Variants in MMP20 observed in about 807,000 individuals in gnomAD.
MMP20 encodes matrix metallopeptidase 20, also known as matrix metalloproteinase-20.
MMP20 carries 50 observed loss-of-function variants against 51.8 expected under a neutral mutation model. That is an observed-to-expected ratio of 0.97 (90% confidence interval 0.77 to 1.22). The LOEUF (loss-of-function observed/expected upper bound fraction) is 1.22. Among genes scored for constraint, MMP20 ranks in the 50% most tolerant of loss-of-function variants. MMP20 has a pLI of 0.00. For missense variants in MMP20, 663 were observed against 601.4 expected (o/e 1.10, Z -1.07); for synonymous variants, 244 against 216.2 (o/e 1.13, Z -1.13).
At chr11:102,580,722 A>G (rs1458119993) in intron 8 of MMP20, among the ~76,000 whole-genome samples, 3 of 152,248 alleles carry the variant, frequency 2.0e-5, no homozygotes. Context: ...TTTACTAAGT[A>G]AGAACATTAC....
At chr11:102,602,358 C>A (rs1324832916) in intron 6 of MMP20, among the ~76,000 whole-genome samples, 2 of 151,834 alleles carry the variant, frequency 1.3e-5, no homozygotes, top group Admixed American at 6.6e-5. Flanking sequence ...ATATAGAATC[C>A]TATTTTGGAA....
intron 1 of MMP20, among the ~76,000 whole-genome samples, chr11:102,623,758 G>T (rs1035071522): frequency 3.9e-5 from 6 of 152,212 alleles, no homozygotes; most frequent in African/African-American, 1.4e-4. Flanking sequence ...TGGATTAGAA[G>T]GGGGGTCTCC....
chr11:102,581,182 C>A (rs1859191398), intron 8 of MMP20, among the ~76,000 whole-genome samples: 1 of 73,396 alleles, frequency 1.4e-5, no homozygotes, highest in African/African-American at 4.7e-5. Flanking sequence ...ACACACCACA[C>A]ACACACACAC....
At chr11:102,624,570 T>C (rs1047968665) in intron 1 of MMP20, among the ~76,000 whole-genome samples, 1 of 152,070 alleles carries the variant, frequency 6.6e-6, no homozygotes, top group Non-Finnish European at 1.5e-5. Flanking sequence ...AAAGTTTAAG[T>C]ACATAAACGT....
intron 1 of MMP20, among the ~76,000 whole-genome samples, chr11:102,620,290 G>A (rs887161620): frequency 1.1e-4 from 16 of 152,132 alleles, no homozygotes; most frequent in Admixed American, 1.0e-3. Context: ...CAGAACTCTG[G>A]GCACTTTCTT....
intron 6 of MMP20, among the ~76,000 whole-genome samples, chr11:102,604,511 A>T (rs1859489433): frequency 6.6e-6 from 1 of 152,226 alleles, no homozygotes; most frequent in Non-Finnish European, 1.5e-5. Context: ...TAAGAATAGT[A>T]ACTGCCATTT....
At chr11:102,595,751 G>A (rs1290626542) in intron 6 of MMP20, among the ~76,000 whole-genome samples, 2 of 152,160 alleles carry the variant, frequency 1.3e-5, no homozygotes, top group Admixed American at 6.6e-5. Context: ...ATAAAATTGT[G>A]GCAGTATACC....
At chr11:102,613,616 G>A (rs1294687411) in intron 2 of MMP20, among the ~76,000 whole-genome samples, 2 of 152,144 alleles carry the variant, frequency 1.3e-5, no homozygotes, top group Non-Finnish European at 2.9e-5. Flanking sequence ...CAATTTCAAT[G>A]AGAAACCAAC....
intron 6 of MMP20, among the ~76,000 whole-genome samples, chr11:102,598,633 G>C (rs965040544): frequency 6.6e-6 from 1 of 152,128 alleles, no homozygotes; most frequent in Non-Finnish European, 1.5e-5. Context: ...TTGAGATTTG[G>C]TCTCTGATAA....
At chr11:102,598,499 A>G (rs771088424) in intron 6 of MMP20, among the ~76,000 whole-genome samples, 5 of 152,244 alleles carry the variant, frequency 3.3e-5, no homozygotes, top group Non-Finnish European at 7.3e-5. Context: ...AGGGTTCAAT[A>G]CACATTTGTT....
At chr11:102,603,086 G>A (rs796139714) in intron 6 of MMP20, among the ~76,000 whole-genome samples, 8 of 152,270 alleles carry the variant, frequency 5.3e-5, no homozygotes, top group African/African-American at 1.9e-4. Context: ...GAGAATATCT[G>A]ACAAATCTCA....
At chr11:102,590,973 C>T (rs991875205) in intron 8 of MMP20, among the ~76,000 whole-genome samples, 2 of 152,164 alleles carry the variant, frequency 1.3e-5, no homozygotes, top group Admixed American at 6.5e-5. Flanking sequence ...CATACTGGCT[C>T]TAAACTGTCA....
chr11:102,611,930 C>T, intron 2 of MMP20, 27 bp from the exon 3 acceptor site: 1 of 1,612,684 alleles, frequency 6.2e-7, no homozygotes, highest in South Asian at 1.1e-5. Flanking sequence ...AACATGTTTT[C>T]TTTTCAGTAA....
At position 102,617,057 on chromosome 11, in the gene MMP20, C is replaced by T. The variant is rs1353157655; in HGVS notation, c.129G>A (p.Ala43=). ...TATTTGTGTAATATTTGTCAAGATACGCCTGAAATGGAGAGGCAGGCTGAC... is the reference window on the plus strand; with the variant it reads ...TATTTGTGTAATATTTGTCAAGATATGCCTGAAATGGAGAGGCAGGCTGAC... ...TWRNNYRLAQ[A]YLDKYYTNKE... The change falls in exon 2 of 10, where the codon GCG becomes GCA. Residue 43 remains alanine (A), a splice_region_variant and synonymous_variant. Transcript: ENST00000260228. 5 of 1,614,040 alleles carry T rather than the reference C, an allele frequency of 3.1e-6. No homozygotes were observed. The highest frequency in any genetic ancestry group is 2.7e-5 in the African/African-American group (2 of 74,910).
At chr11:102,585,804 T>C (rs1331944014) in intron 8 of MMP20, among the ~76,000 whole-genome samples, 1 of 152,232 alleles carries the variant, frequency 6.6e-6, no homozygotes, top group Non-Finnish European at 1.5e-5. Context: ...CCTAGGTTGC[T>C]GAATGTTTTT....
intron 6 of MMP20, 98 bp from the exon 7 acceptor site, chr11:102,594,855 T>C: frequency 6.9e-7 from 1 of 1,450,638 alleles, no homozygotes; most frequent in Non-Finnish European, 9.4e-7. Flanking sequence ...CAGAGGCCAC[T>C]CACTAAATGC....
chr11:102,607,631 G>C (rs1859535361), intron 5 of MMP20: 1 of 123,446 alleles, frequency 8.1e-6, no homozygotes, highest in Admixed American at 8.4e-5. Flanking sequence ...GCAGCGGCAA[G>C]CGATCGGGTG....
At chr11:102,596,520 C>T (rs1412513729) in intron 6 of MMP20, among the ~76,000 whole-genome samples, 1 of 152,148 alleles carries the variant, frequency 6.6e-6, no homozygotes, top group African/African-American at 2.4e-5. Context: ...TGGATAGATA[C>T]TGTTAGTTTG....
chr11:102,606,382 C>T (rs187852383), intron 6 of MMP20, among the ~76,000 whole-genome samples, 153 bp downstream of exon 6: 1 of 152,196 alleles, frequency 6.6e-6, no homozygotes, highest in South Asian at 2.1e-4. Context: ...TTCTCTATCT[C>T]CCCCAAAGAC....
Sources: allele counts gnomAD v4.1 joint callset (sites outside exome capture counted in the v4.1 genomes callset), GRCh38; gene constraint gnomAD v4.1.1; transcripts MANE v1.5; gene names NCBI Gene and HGNC (gene_info 2026-07-23, HGNC 2026-07-21).